Variants in KCND2 observed in about 807,000 individuals in gnomAD.
The protein encoded by KCND2 is A-type voltage-gated potassium channel KCND2.
A neutral mutation model predicts 54.4 loss-of-function variants in KCND2; 16 were observed. That is an observed-to-expected ratio of 0.29 (90% CI 0.20 to 0.45). The LOEUF (loss-of-function observed/expected upper bound fraction) is 0.45. Ranked by LOEUF, KCND2 falls within the 20% of genes least tolerant of loss-of-function variation. The pLI, the probability that KCND2 is intolerant of heterozygous loss-of-function variation, is 1.00. For synonymous variants in KCND2, 317 were observed against 310.7 expected, an observed-to-expected ratio of 1.02 and a Z score of -0.21; for missense variants, 486 against 824.2, an observed-to-expected ratio of 0.59 and a Z score of 5.02.
intron 1 of KCND2, among the ~76,000 whole-genome samples, chr7:120,344,665 C>A (rs1229034539): frequency 1.3e-5 from 2 of 152,062 alleles, no homozygotes; most frequent in Non-Finnish European, 2.9e-5. Flanking sequence ...GCACTCAAGT[C>A]AACAAAGAAA....
At chr7:120,400,168 G>T (rs925561196) in intron 1 of KCND2, among the ~76,000 whole-genome samples, 2 of 152,050 alleles carry the variant, frequency 1.3e-5, no homozygotes, top group Admixed American at 6.6e-5. Context: ...CTATTAACAT[G>T]ACTCTTTTGT....
chr7:120,304,189 A>G (rs1362996580), intron 1 of KCND2, among the ~76,000 whole-genome samples: 1 of 152,154 alleles, frequency 6.6e-6, no homozygotes, highest in African/African-American at 2.4e-5. Flanking sequence ...GTTCTTTTTT[A>G]GCATGTCTTA....
intron 1 of KCND2, among the ~76,000 whole-genome samples, chr7:120,484,803 T>G (rs1802670183): frequency 6.6e-6 from 1 of 151,826 alleles, no homozygotes. Flanking sequence ...AAAGTAAAAT[T>G]TTTGCATTTT....
At chr7:120,468,451 A>T (rs138884738) in intron 1 of KCND2, among the ~76,000 whole-genome samples, 27 of 152,192 alleles carry the variant, frequency 1.8e-4, no homozygotes, top group African/African-American at 6.5e-4. Context: ...GTTAACCATG[A>T]TGTAGACCCG....
chr7:120,518,475 T>G (rs549836036), intron 1 of KCND2, among the ~76,000 whole-genome samples: 6 of 152,286 alleles, frequency 3.9e-5, no homozygotes, highest in African/African-American at 1.4e-4. Context: ...TCTGGAAAAT[T>G]ATGATGATTC....
intron 1 of KCND2, among the ~76,000 whole-genome samples, chr7:120,704,504 G>T (rs1474237396): frequency 6.6e-6 from 1 of 152,074 alleles, no homozygotes; most frequent in Non-Finnish European, 1.5e-5. Context: ...AAAATTCACA[G>T]CTCCTAAGTA....
intron 1 of KCND2, among the ~76,000 whole-genome samples, chr7:120,565,485 T>C (rs1300374543): frequency 6.6e-6 from 1 of 152,154 alleles, no homozygotes; most frequent in African/African-American, 2.4e-5. Flanking sequence ...ACTCACCCAA[T>C]AGATAAAAGT....
In KCND2 at chr7:120,517,660, C is replaced by T. The variant is rs1471960583; in HGVS notation, c.1116-215243C>T. Among the ~76,000 whole-genome samples the T allele has an allele frequency of 4.6e-5, 7 of 152,100 alleles. No homozygotes were observed. In the East Asian group the frequency reaches 1.3e-3, roughly 29 times the overall value. On this transcript the variant is annotated intron_variant, in intron 1 of 5. Coordinates refer to ENST00000331113, the MANE Select transcript of KCND2 (RefSeq NM_012281.3). ...ATATTAGTAGACCAACTGCTTAGCA[C>T]ATTACTTCAATAAAGGGGAGCTATT...
intron 1 of KCND2, among the ~76,000 whole-genome samples, chr7:120,299,624 A>G (rs1374434747): frequency 6.6e-6 from 1 of 152,212 alleles, no homozygotes; most frequent in Non-Finnish European, 1.5e-5. Context: ...CATCAGAGAC[A>G]GAGGCTTCTT....
intron 1 of KCND2, among the ~76,000 whole-genome samples, chr7:120,579,555 T>A (rs1364105028): frequency 6.6e-6 from 1 of 150,682 alleles, no homozygotes; most frequent in Admixed American, 6.6e-5. Flanking sequence ...TGAGCCAAGA[T>A]CGCGCCACTG....
intron 1 of KCND2, among the ~76,000 whole-genome samples, chr7:120,585,503 G>C (rs1273946798): frequency 6.6e-6 from 1 of 152,190 alleles, no homozygotes; most frequent in African/African-American, 2.4e-5. Context: ...GAAACATATG[G>C]TGCTTGGACA....
chr7:120,699,227 AGCCGAGATC>A (rs1792370233), intron 1 of KCND2, among the ~76,000 whole-genome samples: 1 of 151,874 alleles, frequency 6.6e-6, no homozygotes, highest in South Asian at 2.1e-4. Context: ...GCTTGCAGTG[AGCCGAGATC>A]GCGCCACTGC....
intron 1 of KCND2, among the ~76,000 whole-genome samples, chr7:120,359,060 G>A (rs948489587): frequency 2.0e-5 from 3 of 152,126 alleles, no homozygotes; most frequent in African/African-American, 7.2e-5. Flanking sequence ...TCTTTATAGT[G>A]TGACCCTTCC....
intron 1 of KCND2, among the ~76,000 whole-genome samples, chr7:120,509,862 T>C (rs1803085272): frequency 6.6e-6 from 1 of 152,106 alleles, no homozygotes; most frequent in African/African-American, 2.4e-5. Context: ...AATCAATGTT[T>C]TGATACCATC....
At position 120,705,529 on chromosome 7, in the gene KCND2, A is replaced by G. The variant is rs531869296; in HGVS notation, c.1116-27374A>G. ...TTCTCACTTGCAAAATGTCGATAAT[A>G]ATGGCTACCTGCTGAGAATGTTATG... On this transcript the variant is annotated intron_variant, in intron 1 of 5. Coordinates refer to ENST00000331113, the MANE Select transcript of KCND2 (RefSeq NM_012281.3). 2.0e-5 allele frequency among the ~76,000 whole-genome samples: 3 copies of G among 152,270 alleles called. No individual in the cohort carries two copies. In the East Asian group the frequency reaches 5.8e-4, roughly 29 times the overall value.
chr7:120,742,586 G>T lies in KCND2; in HGVS notation c.1451G>T (p.Cys484Phe), dbSNP rs1792956215. The change falls in exon 4 of 6, where the codon TGC becomes TTC. Residue 484 changes from cysteine (C) to phenylalanine (F), a missense_variant. Physicochemically the swap from Cys to Phe is radical, Grantham distance 205 (BLOSUM62 -2). Coordinates refer to ENST00000331113, the MANE Select transcript of KCND2 (RefSeq NM_012281.3). ...FETQHHHLLH[C>F]LEKTTNHEFV... ...ACCCAGCACCACCACCTGCTTCACTGCCTGGAAAAAACCACGGTAAGGAGA... is the reference window on the plus strand; with the variant it reads ...ACCCAGCACCACCACCTGCTTCACTTCCTGGAAAAAACCACGGTAAGGAGA... 1.2e-6 allele frequency: 2 copies of T among 1,613,230 alleles called. No individual in the cohort carries two copies. The highest frequency in any genetic ancestry group is 8.5e-7 in the Non-Finnish European group (1 of 1,179,520).
intron 1 of KCND2, among the ~76,000 whole-genome samples, chr7:120,723,212 AGCC>A (rs1562920363): frequency 6.6e-6 from 1 of 152,196 alleles, no homozygotes; most frequent in Non-Finnish European, 1.5e-5. Context: ...TGGTGCCATC[AGCC>A]CAAAGCCAAA....
chr7:120,409,366 C>T (rs1801414116), intron 1 of KCND2, among the ~76,000 whole-genome samples: 1 of 151,874 alleles, frequency 6.6e-6, no homozygotes, highest in Admixed American at 6.6e-5. Flanking sequence ...GCTCTATGAA[C>T]ATTGATAAAC....
chr7:120,564,220 G>A (rs902281043), intron 1 of KCND2, among the ~76,000 whole-genome samples: 3 of 152,136 alleles, frequency 2.0e-5, no homozygotes, highest in Admixed American at 1.3e-4. Flanking sequence ...TGAAATTTTT[G>A]TAGTAATGAT....
Sources: allele counts gnomAD v4.1 joint callset (sites outside exome capture counted in the v4.1 genomes callset), GRCh38; gene constraint gnomAD v4.1.1; transcripts MANE v1.5; gene names NCBI Gene and HGNC (gene_info 2026-07-23, HGNC 2026-07-21).